The following CADPS variants were observed in gnomAD, a reference collection of about 807,000 sequenced individuals.
CADPS encodes the protein calcium-dependent secretion activator 1.
In CADPS, 57 loss-of-function variants were observed where a neutral mutation model predicts 167.3. The ratio of observed to expected loss-of-function variants is 0.34; its 90% confidence interval spans 0.28 to 0.42. The LOEUF (loss-of-function observed/expected upper bound fraction) is 0.42. Ranked by LOEUF, CADPS falls within the 20% of genes least tolerant of loss-of-function variation. CADPS has a pLI of 1.00. For synonymous variants in CADPS, 676 were observed against 635.3 expected, an observed-to-expected ratio of 1.06 and a Z score of -0.96; for missense variants, 1,414 against 1,738.1, an observed-to-expected ratio of 0.81 and a Z score of 3.32.
At chr3:62,677,434 G>C (rs2076499166) in intron 3 of CADPS, among the ~76,000 whole-genome samples, 2 of 152,100 alleles carry the variant, frequency 1.3e-5, no homozygotes, top group Non-Finnish European at 2.9e-5. Context: ...GGATAGGGAA[G>C]GGGGAGCAAT....
intron 1 of CADPS, among the ~76,000 whole-genome samples, chr3:62,832,586 A>G (rs561472592): frequency 4.5e-4 from 68 of 152,310 alleles, no homozygotes; most frequent in South Asian, 1.4e-3. Context: ...TAGCACCATA[A>G]ATTTCAGCTT....
intron 29 of CADPS, among the ~76,000 whole-genome samples, chr3:62,400,888 G>A (rs1321093413): frequency 6.6e-6 from 1 of 152,048 alleles, no homozygotes; most frequent in African/African-American, 2.4e-5. Context: ...GTGAGCCATC[G>A]TGCCCGGCCC....
chr3:62,867,375 A>G (rs1293103848), intron 1 of CADPS, among the ~76,000 whole-genome samples: 1 of 152,014 alleles, frequency 6.6e-6, no homozygotes, highest in Non-Finnish European at 1.5e-5. Context: ...AAATCTTCCC[A>G]TGTACATGTG....
chr3:62,875,031 G>C lies in CADPS; in HGVS notation c.-2C>G. The C allele has an allele frequency of 1.3e-6, 2 of 1,585,072 alleles. No individual in the cohort carries two copies. The highest frequency in any genetic ancestry group is 1.7e-6 in the Non-Finnish European group (2 of 1,165,564). On this transcript the variant is annotated 5_prime_UTR_variant, in exon 1 of 30. Coordinates refer to ENST00000383710, the MANE Select transcript of CADPS (RefSeq NM_003716.4). ...TTCGCTGGACGAAGGGTCCAGCATA[G>C]TGGCGCCTGGGGAGCGGGGTCTCTG...
chr3:62,463,808 C>T (rs888799748), intron 26 of CADPS, among the ~76,000 whole-genome samples: 4 of 152,168 alleles, frequency 2.6e-5, no homozygotes, highest in African/African-American at 9.7e-5. Flanking sequence ...GTCATTATCC[C>T]CTTCCCACCT....
intron 3 of CADPS, among the ~76,000 whole-genome samples, chr3:62,668,901 C>T (rs1439799340): frequency 6.6e-5 from 10 of 152,184 alleles, no homozygotes; most frequent in South Asian, 2.1e-4. Flanking sequence ...AGTCGCACAA[C>T]GATCAGTGAG....
At chr3:62,844,200 C>T (rs1299586624) in intron 1 of CADPS, among the ~76,000 whole-genome samples, 3 of 152,074 alleles carry the variant, frequency 2.0e-5, no homozygotes, top group East Asian at 1.9e-4. Flanking sequence ...TGAAGTTTAC[C>T]GGCATCAACA....
intron 10 of CADPS, among the ~76,000 whole-genome samples, chr3:62,555,990 C>T (rs1442329186): frequency 6.6e-6 from 1 of 152,098 alleles, no homozygotes; most frequent in African/African-American, 2.4e-5. Flanking sequence ...TGGTCTCAAG[C>T]GATCCTCTCG....
At chr3:62,781,209 C>A (rs1269234582) in intron 1 of CADPS, among the ~76,000 whole-genome samples, 1 of 152,148 alleles carries the variant, frequency 6.6e-6, no homozygotes, top group Non-Finnish European at 1.5e-5. Flanking sequence ...ACTCCACAAT[C>A]TCTCTCAGGA....
chr3:62,704,925 T>C (rs2082059027), intron 3 of CADPS, among the ~76,000 whole-genome samples: 1 of 152,112 alleles, frequency 6.6e-6, no homozygotes, highest in Admixed American at 6.6e-5. Flanking sequence ...AAGCACCATA[T>C]GGGAGAATGC....
intron 8 of CADPS, among the ~76,000 whole-genome samples, chr3:62,581,177 G>C (rs1578185978): frequency 2.0e-5 from 3 of 152,188 alleles, no homozygotes; most frequent in African/African-American, 7.2e-5. Flanking sequence ...ATATCTTGTA[G>C]AGCTGTTGTA....
chr3:62,611,410 T>C (rs1277298688), intron 6 of CADPS, among the ~76,000 whole-genome samples: 1 of 152,190 alleles, frequency 6.6e-6, no homozygotes. Flanking sequence ...TCCTCCCTGA[T>C]TTATTGCAAT....
chr3:62,771,075 T>C (rs1039625492), intron 1 of CADPS, among the ~76,000 whole-genome samples: 4 of 152,244 alleles, frequency 2.6e-5, no homozygotes, highest in African/African-American at 9.6e-5. Context: ...CTACTTTTCA[T>C]TATCTATCTC....
In CADPS at chr3:62,617,840, G is replaced by A. The variant is rs113395273; in HGVS notation, c.1326-25092C>T. On this transcript the variant is annotated intron_variant, in intron 6 of 29. Transcript: ENST00000383710. ...GAACTATGTGAGGGTAGGCAGAGTT[G>A]GGAAAATTGGTGAAGTAGGCAAAGT... Among the ~76,000 whole-genome samples, 1,191 of 152,218 alleles carry A rather than the reference G, an allele frequency of 7.8e-3. 9 individuals are homozygous for A. Among genetic ancestry groups the A allele is most frequent in the African/African-American group, 0.027 (1,120 of 41,544 alleles).
chr3:62,411,365 G>C (rs1308763171), intron 28 of CADPS, among the ~76,000 whole-genome samples: 1 of 152,170 alleles, frequency 6.6e-6, no homozygotes, highest in Non-Finnish European at 1.5e-5. Context: ...AGGAGTCAAA[G>C]AGGAAGATAA....
intron 27 of CADPS, among the ~76,000 whole-genome samples, chr3:62,442,212 ACT>A (rs1010681472): frequency 1.7e-5 from 2 of 118,870 alleles, no homozygotes; most frequent in Non-Finnish European, 1.8e-5. Flanking sequence ...TGGTAAACTG[ACT>A]CTTTTTTTTT....
At chr3:62,820,069 G>C (rs1342731688) in intron 1 of CADPS, among the ~76,000 whole-genome samples, 1 of 151,880 alleles carries the variant, frequency 6.6e-6, no homozygotes, top group Non-Finnish European at 1.5e-5. Context: ...CAAATAAATT[G>C]AAATTAAAGA....
intron 28 of CADPS, among the ~76,000 whole-genome samples, chr3:62,427,071 T>A (rs2052888531): frequency 1.6e-5 from 2 of 123,796 alleles, no homozygotes; most frequent in South Asian, 5.3e-4. Flanking sequence ...CGAGACTCCG[T>A]ATCAAAAAAA....
intron 6 of CADPS, chr3:62,626,590 A>C: frequency 1.4e-6 from 1 of 701,482 alleles, no homozygotes; most frequent in Non-Finnish European, 2.6e-6. Flanking sequence ...AGAAGTTCTC[A>C]GTGTGAAGGA....
Sources: gnomAD v4.1 joint callset for allele counts (sites outside exome capture counted in the v4.1 genomes callset) on GRCh38, gnomAD v4.1.1 for gene constraint, MANE v1.5 for transcripts, NCBI Gene and HGNC (gene_info 2026-07-23, HGNC 2026-07-21) for gene names.